Variants in SIRPB1 observed in about 807,000 individuals in gnomAD.
The protein encoded by SIRPB1 is signal regulatory protein beta 1, also known as signal-regulatory protein beta-1.
A neutral mutation model predicts 34.1 loss-of-function variants in SIRPB1; 28 were observed. That is an observed-to-expected ratio of 0.82 (90% CI 0.61 to 1.12). SIRPB1 has a LOEUF of 1.12. SIRPB1 is among the 50% of genes most tolerant of loss of function. The pLI, the probability that SIRPB1 is intolerant of heterozygous loss-of-function variation, is 0.00. For synonymous variants in SIRPB1, 211 were observed against 203.8 expected, an observed-to-expected ratio of 1.04 and a Z score of -0.30; for missense variants, 499 against 507.0, an observed-to-expected ratio of 0.98 and a Z score of 0.15.
At chr20:1,570,574 A>C in intron 4 of SIRPB1, 1 of 427,240 alleles carries the variant, frequency 2.3e-6, no homozygotes, top group Non-Finnish European at 4.1e-6. Context: ...GTTGTGCATC[A>C]GACTTGACGC....
intron 5 of SIRPB1, 108 bp downstream of exon 5, chr20:1,566,045 C>T: frequency 1.5e-6 from 1 of 685,450 alleles, no homozygotes; most frequent in Non-Finnish European, 2.5e-6. Context: ...CTGTCACCTT[C>T]TGTAAACTCC....
At chr20:1,617,777 T>A (rs553494451) in intron 1 of SIRPB1, among the ~76,000 whole-genome samples, 1 of 152,342 alleles carries the variant, frequency 6.6e-6, no homozygotes, top group South Asian at 2.1e-4. Context: ...TTCATTAATA[T>A]GGTATACATG....
chr20:1,571,652 A>C (rs1281973234), intron 3 of SIRPB1, 68 bp downstream of exon 3: 80 of 1,609,562 alleles, frequency 5.0e-5, no homozygotes, highest in Non-Finnish European at 6.1e-5. Flanking sequence ...CAAGCTCTGG[A>C]GCCTGGGGAG....
At chr20:1,577,364 C>A (rs1189516685) in intron 2 of SIRPB1, among the ~76,000 whole-genome samples, 2 of 147,732 alleles carry the variant, frequency 1.4e-5, no homozygotes, top group African/African-American at 4.9e-5. Flanking sequence ...ATGGACAAGG[C>A]CCCTGTCATG....
chr20:1,577,770 TAA>T (rs535837370), intron 2 of SIRPB1, among the ~76,000 whole-genome samples: 1 of 137,620 alleles, frequency 7.3e-6, no homozygotes, highest in Non-Finnish European at 1.6e-5. Context: ...AAGATTAAAT[TAA>T]AAAAAAAAAC....
chr20:1,619,840 A>G, intron 1 of SIRPB1, 29 bp downstream of exon 1: 2 of 1,554,250 alleles, frequency 1.3e-6, no homozygotes, highest in South Asian at 2.2e-5. Flanking sequence ...TGGGCAGGAA[A>G]AAAGATTTTA....
At chr20:1,579,033 C>T (rs1328143588) in intron 1 of SIRPB1, among the ~76,000 whole-genome samples, 2 of 147,884 alleles carry the variant, frequency 1.4e-5, no homozygotes, top group Admixed American at 1.3e-4. Flanking sequence ...CTCACTGTAG[C>T]CTCAATCTTC....
intron 4 of SIRPB1, among the ~76,000 whole-genome samples, chr20:1,568,423 C>G (rs1214247251): frequency 6.6e-6 from 1 of 152,186 alleles, no homozygotes; most frequent in Non-Finnish European, 1.5e-5. Context: ...GTCAGACACA[C>G]TGAAAGAACC....
rs2091407701 is a variant in SIRPB1 at position 1,583,302 on chromosome 20, G to A, written c.77-4608C>T. 4.1e-5 allele frequency among the ~76,000 whole-genome samples: 2 copies of A among 49,030 alleles called. 1 individual carries two copies. 32.2% of individuals were successfully genotyped at this position (49,030 alleles called of 152,430 possible). ...CTGAGTTCAAATCGTAGCTCTACCA[G>A]TTACCAATGAGTAACCTAGGAGCAC... On this transcript the variant is annotated intron_variant, in intron 1 of 5. Coordinates refer to ENST00000381605, the MANE Select transcript of SIRPB1 (RefSeq NM_006065.5).
chr20:1,580,435 C>A, intron 1 of SIRPB1, among the ~76,000 whole-genome samples: 1 of 135,146 alleles, frequency 7.4e-6, no homozygotes, highest in Non-Finnish European at 1.6e-5. Flanking sequence ...AATAACGGAC[C>A]AAGAACTAAA....
rs2091479666 is a variant in SIRPB1, at chr20:1,602,267, A to G, written c.76+17602T>C. On this transcript the variant is annotated intron_variant, in intron 1 of 5. Coordinates refer to ENST00000381605, the MANE Select transcript of SIRPB1 (RefSeq NM_006065.5). ...TCACTACAGACCCTGCAGACATCAA[A>G]AGGATCATAAGGGATATTATGAACA... 8.2e-5 allele frequency among the ~76,000 whole-genome samples: 4 copies of G among 48,984 alleles called. 2 individuals carry two copies. The highest frequency in any genetic ancestry group is 1.6e-4 in the Non-Finnish European group (4 of 25,472). 32.1% of individuals were successfully genotyped at this position (48,984 alleles called of 152,430 possible). A position where few individuals can be genotyped will look rare whatever the true frequency, so the allele number is the denominator to read the frequency against.
At chr20:1,618,669 T>C (rs998297658) in intron 1 of SIRPB1, among the ~76,000 whole-genome samples, 8 of 152,164 alleles carry the variant, frequency 5.3e-5, no homozygotes, top group Non-Finnish European at 5.9e-5. Context: ...CAGTGGGGAA[T>C]TGAGAGGCTG....
rs976568208 is a variant in SIRPB1, at chr20:1,562,679, C to T, written c.*2821G>A. 6.6e-5 allele frequency among the ~76,000 whole-genome samples: 10 copies of T among 152,146 alleles called. No individual in the cohort carries two copies. The highest frequency in any genetic ancestry group is 1.7e-4 in the African/African-American group (7 of 41,438). On this transcript the variant is annotated 3_prime_UTR_variant, in exon 6 of 6. Coordinates refer to ENST00000381605, the MANE Select transcript of SIRPB1 (RefSeq NM_006065.5). Reference sequence around the variant, plus strand: ...ACAAATCACCATGGTAATAAAAGCTCGTCATGATCAGTAACCAGTCATGTT... The same window carrying T: ...ACAAATCACCATGGTAATAAAAGCTTGTCATGATCAGTAACCAGTCATGTT...
At chr20:1,579,243 C>T (rs1194433544) in intron 1 of SIRPB1, among the ~76,000 whole-genome samples, 5 of 148,208 alleles carry the variant, frequency 3.4e-5, no homozygotes, top group South Asian at 2.1e-4. Context: ...TCAGCCACCG[C>T]GCCTGGCCAA....
intron 1 of SIRPB1, among the ~76,000 whole-genome samples, chr20:1,615,556 G>T (rs910979736): frequency 6.6e-6 from 1 of 152,070 alleles, no homozygotes; most frequent in Admixed American, 6.6e-5. Context: ...ATTATTACTC[G>T]GTTTGTTGAT....
chr20:1,564,552 A>T lies in SIRPB1; in HGVS notation c.*948T>A. On this transcript the variant is annotated 3_prime_UTR_variant, in exon 6 of 6. Coordinates refer to ENST00000381605, the MANE Select transcript of SIRPB1 (RefSeq NM_006065.5). The stretch of plus-strand genomic sequence containing the variant: ...AAAGCCAGAGGAGTGGTCCCCAAAG[A>T]GATGATGCTGGCTGGGACAGGGAGG... The T allele has an allele frequency of 5.3e-6, 1 of 188,346 alleles. No homozygotes were observed. The highest frequency in any genetic ancestry group is 1.1e-5 in the Non-Finnish European group (1 of 91,850). 11.7% of individuals were successfully genotyped at this position (188,346 alleles called of 1,614,324 possible).
chr20:1,563,907 A>G lies in SIRPB1; in HGVS notation c.*1593T>C, dbSNP rs2091098606. On this transcript the variant is annotated 3_prime_UTR_variant, in exon 6 of 6. Transcript: ENST00000381605. ...GCCCATCCCACAACACATGCAGATT[A>G]CAATTTAAGATGAGATTTGGATGGA... The G allele has an allele frequency of 6.6e-6, 1 of 152,366 alleles. No individual in the cohort carries two copies. Among genetic ancestry groups the G allele is most frequent in the African/African-American group, 2.4e-5 (1 of 41,446 alleles). 9.4% of individuals were successfully genotyped at this position (152,366 alleles called of 1,614,324 possible).
chr20:1,618,765 G>T (rs1568713259), intron 1 of SIRPB1, among the ~76,000 whole-genome samples: 1 of 152,152 alleles, frequency 6.6e-6, no homozygotes, highest in Non-Finnish European at 1.5e-5. Flanking sequence ...CTGTGAGCAG[G>T]GTTCTCCCAG....
rs2091406831 is a variant in SIRPB1 at position 1,583,140 on chromosome 20, A to G, written c.77-4446T>C. Among the ~76,000 whole-genome samples, 2 of 49,056 alleles carry G rather than the reference A, an allele frequency of 4.1e-5. 1 individual carries two copies. Among genetic ancestry groups the G allele is most frequent in the African/African-American group, 2.7e-4 (2 of 7,424 alleles). 32.2% of individuals were successfully genotyped at this position (49,056 alleles called of 152,430 possible). A position where few individuals can be genotyped will look rare whatever the true frequency, so the allele number is the denominator to read the frequency against. On this transcript the variant is annotated intron_variant, in intron 1 of 5. Coordinates refer to ENST00000381605, the MANE Select transcript of SIRPB1 (RefSeq NM_006065.5). The stretch of plus-strand genomic sequence containing the variant: ...CAGAAGAGTCAAGGAGAAGAAAACC[A>G]CAAATCCTCTTCTCCCCACCACATC...
Sources: allele counts gnomAD v4.1 joint callset (sites outside exome capture counted in the v4.1 genomes callset), GRCh38; gene constraint gnomAD v4.1.1; transcripts MANE v1.5; gene names NCBI Gene and HGNC (gene_info 2026-07-23, HGNC 2026-07-21).